Variants in CHMP4B observed in about 807,000 individuals in gnomAD.
CHMP4B encodes the protein charged multivesicular body protein 4B.
In CHMP4B, 1 loss-of-function variant was observed where a neutral mutation model predicts 25.1. The ratio of observed to expected loss-of-function variants is 0.04; its 90% CI spans 0.01 to 0.19. The LOEUF (loss-of-function observed/expected upper bound fraction) is 0.19. CHMP4B is among the 10% of genes least tolerant of loss of function. The probability of loss-of-function intolerance (pLI) is 1.00; values close to 1 mark genes in which losing one functional copy is unlikely to be tolerated. For missense variants in CHMP4B, 151 were observed against 289.7 expected (o/e 0.52, Z 3.48); for synonymous variants, 101 against 115.6 (o/e 0.87, Z 0.81).
At chr20:33,832,580 T>C (rs1032572724) in intron 1 of CHMP4B, among the ~76,000 whole-genome samples, 5 of 152,202 alleles carry the variant, frequency 3.3e-5, no homozygotes, top group Non-Finnish European at 7.3e-5. Context: ...ATGTAAATGG[T>C]ACATAATTTT....
intron 2 of CHMP4B, among the ~76,000 whole-genome samples, chr20:33,849,290 C>G (rs1444821770): frequency 1.3e-5 from 2 of 152,202 alleles, no homozygotes; most frequent in African/African-American, 2.4e-5. Flanking sequence ...AAATGAAGGC[C>G]TCTCTCTTGA....
At chr20:33,828,831 G>C (rs933718788) in intron 1 of CHMP4B, among the ~76,000 whole-genome samples, 1 of 151,666 alleles carries the variant, frequency 6.6e-6, no homozygotes, top group Non-Finnish European at 1.5e-5. Context: ...ACACCTGAAT[G>C]AGTTTTTTAA....
At chr20:33,846,728 G>A (rs1979699546) in intron 1 of CHMP4B, among the ~76,000 whole-genome samples, 1 of 152,158 alleles carries the variant, frequency 6.6e-6, no homozygotes, top group South Asian at 2.1e-4. Context: ...ATGGGGGAGG[G>A]GGTTTTGACC....
At chr20:33,853,127 C>A (rs981918368) in intron 4 of CHMP4B, among the ~76,000 whole-genome samples, 1 of 152,166 alleles carries the variant, frequency 6.6e-6, no homozygotes, top group Non-Finnish European at 1.5e-5. Context: ...ATGAGTCAAG[C>A]CACTTGAGGT....
chr20:33,822,852 C>T (rs1978980819), intron 1 of CHMP4B, among the ~76,000 whole-genome samples: 2 of 151,580 alleles, frequency 1.3e-5, no homozygotes, highest in South Asian at 2.1e-4. Context: ...TGGAGTGCAG[C>T]GGTGCGATCT....
intron 1 of CHMP4B, among the ~76,000 whole-genome samples, chr20:33,844,761 C>CTT (rs1236212337): frequency 8.4e-5 from 12 of 142,282 alleles, no homozygotes; most frequent in African/African-American, 1.8e-4. Flanking sequence ...AGTGTTTGCT[C>CTT]TTTTTTTTTT....
chr20:33,852,436 G>C (rs535802941), intron 4 of CHMP4B, among the ~76,000 whole-genome samples: 9 of 150,558 alleles, frequency 6.0e-5, no homozygotes, highest in Non-Finnish European at 1.3e-4. Flanking sequence ...TAATCTTGAC[G>C]CTGTGGACAT....
At chr20:33,833,622 C>T (rs1403396483) in intron 1 of CHMP4B, among the ~76,000 whole-genome samples, 1 of 152,208 alleles carries the variant, frequency 6.6e-6, no homozygotes, top group Admixed American at 6.5e-5. Flanking sequence ...CCAGCAGCTC[C>T]TTAACAAGAC....
intron 3 of CHMP4B, among the ~76,000 whole-genome samples, chr20:33,851,749 A>C (rs191115292): frequency 6.6e-6 from 1 of 152,244 alleles, no homozygotes; most frequent in East Asian, 1.9e-4. Flanking sequence ...AGTTCATTTC[A>C]AATCAGCAAA....
chr20:33,835,069 T>TA (rs1345591852), intron 1 of CHMP4B, among the ~76,000 whole-genome samples: 1 of 152,214 alleles, frequency 6.6e-6, no homozygotes, highest in Non-Finnish European at 1.5e-5. Flanking sequence ...ATGCTGGGAT[T>TA]ACAAGCGTGA....
chr20:33,826,923 T>C (rs1217202534), intron 1 of CHMP4B, among the ~76,000 whole-genome samples: 2 of 152,208 alleles, frequency 1.3e-5, no homozygotes, highest in Non-Finnish European at 2.9e-5. Flanking sequence ...TCTTTGGGAT[T>C]GTTTAATCTT....
chr20:33,826,687 A>G (rs146750054), intron 1 of CHMP4B, among the ~76,000 whole-genome samples: 5 of 152,188 alleles, frequency 3.3e-5, no homozygotes, highest in African/African-American at 1.2e-4. Flanking sequence ...TGTTCTCCCA[A>G]TTCCCCTTCT....
At chr20:33,830,669 CAGTT>C (rs1025310528) in intron 1 of CHMP4B, among the ~76,000 whole-genome samples, 2 of 152,098 alleles carry the variant, frequency 1.3e-5, no homozygotes, top group Non-Finnish European at 2.9e-5. Flanking sequence ...CTTGTGATGT[CAGTT>C]AGCCTTAATG....
chr20:33,847,652 C>G lies in CHMP4B; in HGVS notation c.191-815C>G, dbSNP rs547030271. Among the ~76,000 whole-genome samples the G allele has an allele frequency of 8.7e-4, 132 of 152,196 alleles. 1 individual carries two copies. The highest frequency in any genetic ancestry group is 1.4e-3 in the Non-Finnish European group (98 of 68,036). ...TAGGAGGCCAAGGTAGATGATGCCA[C>G]TGACCCAACCAAATGGCCAGACTCT... is the stretch of plus-strand genomic sequence containing the variant. On this transcript the variant is annotated intron_variant, in intron 1 of 4. Coordinates refer to ENST00000217402, the MANE Select transcript of CHMP4B (RefSeq NM_176812.5).
At chr20:33,812,207 C>G (rs2122776984) in intron 1 of CHMP4B, among the ~76,000 whole-genome samples, 1 of 152,356 alleles carries the variant, frequency 6.6e-6, no homozygotes, top group South Asian at 2.1e-4. Context: ...GATTCCTGCT[C>G]TATTCACTTG....
chr20:33,837,525 T>A (rs1019009124), intron 1 of CHMP4B, among the ~76,000 whole-genome samples: 1 of 151,650 alleles, frequency 6.6e-6, no homozygotes. Flanking sequence ...GAGAGAGGAA[T>A]TTCAGAGAGA....
intron 1 of CHMP4B, among the ~76,000 whole-genome samples, chr20:33,818,030 C>G (rs987263385): frequency 1.3e-5 from 2 of 152,132 alleles, no homozygotes; most frequent in Non-Finnish European, 2.9e-5. Context: ...TCTCAATTCC[C>G]CACTGTGTGA....
intron 1 of CHMP4B, among the ~76,000 whole-genome samples, chr20:33,846,683 C>T (rs922334429): frequency 6.6e-6 from 1 of 152,120 alleles, no homozygotes; most frequent in East Asian, 1.9e-4. Flanking sequence ...GAGCATGGGA[C>T]CTATTCATGT....
chr20:33,813,398 G>A (rs1281955429), intron 1 of CHMP4B, among the ~76,000 whole-genome samples: 1 of 151,880 alleles, frequency 6.6e-6, no homozygotes, highest in Non-Finnish European at 1.5e-5. Flanking sequence ...CTTATTGACA[G>A]AGTTTTTAAA....
Sources: allele counts gnomAD v4.1 joint callset (sites outside exome capture counted in the v4.1 genomes callset), GRCh38; gene constraint gnomAD v4.1.1; transcripts MANE v1.5; gene names NCBI Gene and HGNC (gene_info 2026-07-23, HGNC 2026-07-21).